Variants in CFAP74 observed in about 807,000 individuals in gnomAD.
The protein encoded by CFAP74 is cilia and flagella associated protein 74, also known as cilia- and flagella-associated protein 74.
In CFAP74, 124 loss-of-function variants were observed where a neutral mutation model predicts 188.9. The ratio of observed to expected loss-of-function variants is 0.66; its 90% CI spans 0.57 to 0.76. The LOEUF (loss-of-function observed/expected upper bound fraction) is 0.76. Ranked by LOEUF, CFAP74 falls within the 30% of genes least tolerant of loss-of-function variation. The pLI, the probability that CFAP74 is intolerant of heterozygous loss-of-function variation, is 0.00. For missense variants in CFAP74, 2,198 were observed against 2,165.2 expected, an observed-to-expected ratio of 1.02 and a Z score of -0.30; for synonymous variants, 956 against 916.7, an observed-to-expected ratio of 1.04 and a Z score of -0.77.
rs28736562 is a variant in CFAP74 at position 1,936,373 on chromosome 1, G to A, written c.3011+2482C>T. On this transcript the variant is annotated intron_variant, in intron 25 of 38. Transcript: ENST00000682832. ...ATCCTGTCTAACATGGTGAAACCCT[G>A]TCTCTACTAAAAATACAAAAATTAG... Among the ~76,000 whole-genome samples, 9 of 150,318 alleles carry A rather than the reference G, an allele frequency of 6.0e-5. No individual in the cohort carries two copies. In the East Asian group the frequency reaches 1.8e-3, roughly 30 times the overall value.
chr1:1,937,656 C>T (rs1266525802), intron 25 of CFAP74, among the ~76,000 whole-genome samples: 4 of 152,172 alleles, frequency 2.6e-5, no homozygotes, highest in African/African-American at 9.7e-5. Flanking sequence ...TGGCCTCTGC[C>T]CCAGAACACA....
chr1:1,955,239 C>T (rs1237186656), intron 18 of CFAP74: 8 of 1,290,482 alleles, frequency 6.2e-6, no homozygotes, highest in African/African-American at 1.5e-5. Flanking sequence ...GAGACGCAAG[C>T]GATTCCCGAT....
intron 18 of CFAP74, chr1:1,955,431 G>T: frequency 6.6e-7 from 1 of 1,503,826 alleles, no homozygotes; most frequent in Non-Finnish European, 9.0e-7. Context: ...GGCTCCGCCC[G>T]TGCTGGGCCT....
chr1:1,959,650 G>A (rs1425112059), intron 15 of CFAP74, among the ~76,000 whole-genome samples: 3 of 152,192 alleles, frequency 2.0e-5, no homozygotes, highest in African/African-American at 2.4e-5. Context: ...TGACCCCAGG[G>A]GAAAGAGTCA....
intron 13 of CFAP74, among the ~76,000 whole-genome samples, chr1:1,964,561 G>C (rs1404712726): frequency 6.6e-6 from 1 of 152,192 alleles, no homozygotes; most frequent in African/African-American, 2.4e-5. Flanking sequence ...AGGCTGAGGC[G>C]GGCAGATCGC....
chr1:1,954,903 G>T, intron 18 of CFAP74: 1 of 1,007,096 alleles, frequency 9.9e-7, no homozygotes, highest in Non-Finnish European at 1.2e-6. Context: ...GGGCAGTGCA[G>T]AACGGCCTTC....
intron 15 of CFAP74, 61 bp from the exon 16 acceptor site, chr1:1,959,270 T>A: frequency 1.6e-6 from 2 of 1,236,498 alleles, no homozygotes; most frequent in Admixed American, 1.8e-5. Flanking sequence ...GTTTTGTTTT[T>A]TTTTTGGACA....
At chr1:1,955,986 C>T (rs1407126387) in intron 17 of CFAP74, 136 bp from the exon 18 acceptor site, 18 of 1,415,284 alleles carry the variant, frequency 1.3e-5, no homozygotes, top group African/African-American at 7.2e-5. Context: ...GCTGCCTCCT[C>T]GGCTGCCTGC....
At chr1:1,971,925 G>T in intron 9 of CFAP74, 55 bp downstream of exon 9, 1 of 1,393,770 alleles carries the variant, frequency 7.2e-7, no homozygotes, top group Non-Finnish European at 1.0e-6. Context: ...GGGGCCCAGG[G>T]ACGGACCCCG....
At chr1:1,936,272 G>A (rs1652890770) in intron 25 of CFAP74, among the ~76,000 whole-genome samples, 1 of 151,362 alleles carries the variant, frequency 6.6e-6, no homozygotes, top group Non-Finnish European at 1.5e-5. Context: ...GCGGCCGGGT[G>A]CGGTGGCTCA....
At chr1:1,941,235 C>T (rs547159172) in intron 22 of CFAP74, among the ~76,000 whole-genome samples, 101 of 152,360 alleles carry the variant, frequency 6.6e-4, no homozygotes, top group Non-Finnish European at 1.0e-3. Flanking sequence ...TTAAGCTCAG[C>T]TCCGCCCTGT....
At chr1:1,999,154 A>C (rs577949442) in intron 1 of CFAP74, among the ~76,000 whole-genome samples, 3 of 152,216 alleles carry the variant, frequency 2.0e-5, no homozygotes, top group Admixed American at 2.0e-4. Context: ...GCCCCACCAG[A>C]TATCAAGATT....
intron 11 of CFAP74, among the ~76,000 whole-genome samples, chr1:1,967,978 TAAAG>T (rs1655590147): frequency 8.5e-6 from 1 of 118,226 alleles, no homozygotes; most frequent in Non-Finnish European, 1.9e-5. Context: ...AGTGAATGAG[TAAAG>T]AATGAATGAG....
At chr1:1,946,561 G>T in intron 19 of CFAP74, 122 bp from the exon 20 acceptor site, 1 of 1,223,358 alleles carries the variant, frequency 8.2e-7, no homozygotes, top group Non-Finnish European at 1.1e-6. Flanking sequence ...TCCCTGGGTG[G>T]CCACTTGGCC....
At chr1:1,987,610 C>T (rs551038293) in intron 4 of CFAP74, among the ~76,000 whole-genome samples, 14 of 151,932 alleles carry the variant, frequency 9.2e-5, no homozygotes, top group African/African-American at 2.2e-4. Flanking sequence ...GGCGCGATCT[C>T]GGCTCACTGC....
At chr1:1,991,410 C>T (rs1406138930) in intron 1 of CFAP74, among the ~76,000 whole-genome samples, 1 of 152,072 alleles carries the variant, frequency 6.6e-6, no homozygotes. Context: ...TATCACTTTA[C>T]ACTCCCACCA....
At chr1:1,997,252 G>A (rs1312075220) in intron 1 of CFAP74, among the ~76,000 whole-genome samples, 5 of 151,338 alleles carry the variant, frequency 3.3e-5, no homozygotes, top group Admixed American at 2.0e-4. Flanking sequence ...GGGAAACCCC[G>A]CCTCTACCAA....
intron 6 of CFAP74, 112 bp from the exon 7 acceptor site, chr1:1,974,310 G>T: frequency 9.5e-7 from 1 of 1,057,880 alleles, no homozygotes; most frequent in Non-Finnish European, 1.3e-6. Flanking sequence ...CACCCCAGAT[G>T]GGTTAGCTCC....
rs564090760 is a variant in CFAP74 at position 1,926,562 on chromosome 1, G to A, written c.3773-50C>T. The stretch of plus-strand genomic sequence containing the variant: ...GCCCCAGCCCCAGGCCCCAGGGAGC[G>A]TCTCTGCCAGGGGTGGGCCGTGGGG... On this transcript the variant is annotated intron_variant, in intron 30 of 38. Transcript: ENST00000682832. 2.8e-5 allele frequency: 44 copies of A among 1,548,820 alleles called. No homozygotes were observed. In the Admixed American group the frequency reaches 3.1e-4, roughly 11 times the overall value.
Sources: gnomAD v4.1 joint callset for allele counts (sites outside exome capture counted in the v4.1 genomes callset) on GRCh38, gnomAD v4.1.1 for gene constraint, MANE v1.5 for transcripts, NCBI Gene and HGNC (gene_info 2026-07-23, HGNC 2026-07-21) for gene names.